The following CAMKK1 variants were observed in gnomAD, a reference collection of about 807,000 sequenced individuals.
The protein encoded by CAMKK1 is calcium/calmodulin dependent protein kinase kinase 1.
CAMKK1 carries 20 observed loss-of-function variants against 63.5 expected under a neutral mutation model. The observed-to-expected ratio is 0.32, with a 90% CI of 0.22 to 0.46. The LOEUF (loss-of-function observed/expected upper bound fraction) is 0.46. CAMKK1 is among the 20% of genes least tolerant of loss of function. The pLI, the probability that CAMKK1 is intolerant of heterozygous loss-of-function variation, is 1.00. For synonymous variants in CAMKK1, 253 were observed against 269.0 expected, an observed-to-expected ratio of 0.94 and a Z score of 0.58; for missense variants, 588 against 658.1, an observed-to-expected ratio of 0.89 and a Z score of 1.17.
chr17:3,885,015 A>C (rs2055581351), intron 2 of CAMKK1, among the ~76,000 whole-genome samples: 1 of 152,312 alleles, frequency 6.6e-6, no homozygotes, highest in East Asian at 1.9e-4. Context: ...AAGCTGGAGA[A>C]GAGTTAGGGG....
chr17:3,862,936 C>G lies in CAMKK1; in HGVS notation c.1446-653G>C, dbSNP rs1262589019. 6.6e-6 allele frequency among the ~76,000 whole-genome samples: 1 copy of G among 152,222 alleles called. No homozygotes were observed. The highest frequency in any genetic ancestry group is 1.5e-5 in the Non-Finnish European group (1 of 68,032). On this transcript the variant is annotated intron_variant, in intron 15 of 15. Transcript: ENST00000348335. The surrounding 1 kb of genome is among the most constrained non-coding windows in gnomAD (Gnocchi z 4.1). ...GCAGGCGTGAGCCACCGTGCCCGGC[C>G]TGAGGGCCTTCTGTGTTGACCTCAG...
At chr17:3,891,893 C>T (rs1488042928) in intron 1 of CAMKK1, among the ~76,000 whole-genome samples, 2 of 152,096 alleles carry the variant, frequency 1.3e-5, no homozygotes, top group East Asian at 3.9e-4. Flanking sequence ...AGGGGAGTGC[C>T]TCGGTTAGGT....
intron 8 of CAMKK1, 142 bp downstream of exon 8, chr17:3,881,485 G>T: frequency 1.4e-6 from 1 of 701,830 alleles, no homozygotes; most frequent in Non-Finnish European, 2.4e-6. Flanking sequence ...TGGTCCTCTT[G>T]GTCTCTTATT....
At chr17:3,865,750 C>G (rs937011729) in intron 15 of CAMKK1, 158 bp downstream of exon 15, 1 of 1,450,644 alleles carries the variant, frequency 6.9e-7, no homozygotes, top group Non-Finnish European at 9.1e-7. Flanking sequence ...CCCGACTAAC[C>G]TTGGGGACAG....
At chr17:3,867,892 G>A (rs1457657639) in intron 14 of CAMKK1, among the ~76,000 whole-genome samples, 3 of 151,996 alleles carry the variant, frequency 2.0e-5, no homozygotes, top group South Asian at 2.1e-4. Context: ...CACAGAAGCT[G>A]AGCAGAGGAA....
intron 1 of CAMKK1, among the ~76,000 whole-genome samples, chr17:3,886,212 AC>A (rs1567636710): frequency 6.6e-6 from 1 of 151,824 alleles, no homozygotes; most frequent in Non-Finnish European, 1.5e-5. Context: ...CTTCAGACCC[AC>A]CCGCCTCCTC....
At position 3,882,137 on chromosome 17, in the gene CAMKK1, T is replaced by C. The variant is rs761024691; in HGVS notation, c.685+391A>G. ...ATGTGCTTTACATATAATTACTCAT[T>C]TACTCTTCACAGGAACCCTATGAGG... is the stretch of plus-strand genomic sequence containing the variant. On this transcript the variant is annotated intron_variant, in intron 7 of 15. Transcript: ENST00000348335. The surrounding 1 kb of genome is among the most constrained non-coding windows in gnomAD (Gnocchi z 4.3). The C allele has an allele frequency of 2.1e-5, 14 of 662,744 alleles. No individual in the cohort carries two copies. The highest frequency in any genetic ancestry group is 3.7e-5 in the Non-Finnish European group (14 of 375,584). 41.1% of individuals were successfully genotyped at this position (662,744 alleles called of 1,614,324 possible).
rs1239938440 is a variant in CAMKK1 at position 3,861,893 on chromosome 17, G to C, written c.*318C>G. 5.0e-6 allele frequency: 2 copies of C among 399,466 alleles called. No individual in the cohort carries two copies. Among genetic ancestry groups the C allele is most frequent in the African/African-American group, 4.0e-5 (2 of 49,692 alleles). 24.7% of individuals were successfully genotyped at this position (399,466 alleles called of 1,614,324 possible). A position where few individuals can be genotyped will look rare whatever the true frequency, so the allele number is the denominator to read the frequency against. On this transcript the variant is annotated 3_prime_UTR_variant, in exon 16 of 16. Transcript: ENST00000348335. ...TCTCCTGCCTCTGCCTCCTGCCCCAGGCCATGCCAACCAGCCGGGTGGCAT... is the reference window on the plus strand; with the variant it reads ...TCTCCTGCCTCTGCCTCCTGCCCCACGCCATGCCAACCAGCCGGGTGGCAT...
Position 3,866,045 on chromosome 17 carries a change from T to G in CAMKK1, c.1342-34A>C, listed in dbSNP as rs200701102. 4.2e-5 allele frequency: 68 copies of G among 1,607,016 alleles called. 1 individual carries two copies. In the African/African-American group the frequency reaches 6.5e-4, roughly 15 times the overall value. The stretch of plus-strand genomic sequence containing the variant: ...GACAAGGCAGCGTGAGGAGCACAGG[T>G]CCCAGGCTCCCAGACACGCAGCCTC... On this transcript the variant is annotated intron_variant, in intron 14 of 15. Coordinates refer to ENST00000348335, the MANE Select transcript of CAMKK1 (RefSeq NM_032294.3).
In CAMKK1 at chr17:3,885,749, G is replaced by A. The variant is rs1259689699; in HGVS notation, c.-43-19C>T. 1 of 1,591,928 alleles carries A rather than the reference G, an allele frequency of 6.3e-7. No individual in the cohort carries two copies. The highest frequency in any genetic ancestry group is 8.5e-7 in the Non-Finnish European group (1 of 1,173,604). ...TGGGAACCTGAGAAAAGAAGGCAGA[G>A]AAGGCTTCACTCCTGGGTGTCAGGC... On this transcript the variant is annotated intron_variant, in intron 1 of 15. Coordinates refer to ENST00000348335, the MANE Select transcript of CAMKK1 (RefSeq NM_032294.3).
In CAMKK1 at chr17:3,883,005, A is replaced by C; in HGVS notation, c.648+37T>G. On this transcript the variant is annotated intron_variant, in intron 6 of 15. Transcript: ENST00000348335. The surrounding 1 kb of genome is among the most constrained non-coding windows in gnomAD (Gnocchi z 4.7). Reference sequence around the variant, plus strand: ...ACCAGAAGCGGCTCCCATGAGACTCAGGTGCTGGTTCCCACCTGCTCACCA... The same window carrying C: ...ACCAGAAGCGGCTCCCATGAGACTCCGGTGCTGGTTCCCACCTGCTCACCA... The C allele has an allele frequency of 1.2e-6, 2 of 1,608,992 alleles. No homozygotes were observed. The highest frequency in any genetic ancestry group is 1.7e-6 in the Non-Finnish European group (2 of 1,176,790).
intron 14 of CAMKK1, among the ~76,000 whole-genome samples, chr17:3,868,555 T>TG (rs2054678254): frequency 6.6e-6 from 1 of 152,186 alleles, no homozygotes; most frequent in Admixed American, 6.6e-5. Context: ...CGGCACCTTG[T>TG]GCAGTGCCTG....
At chr17:3,865,245 C>A (rs959539317) in intron 15 of CAMKK1, 42 of 985,562 alleles carry the variant, frequency 4.3e-5, no homozygotes, top group Non-Finnish European at 5.1e-5. Flanking sequence ...CTTTTCTGGA[C>A]CCTCCTAGGA....
At chr17:3,878,524 G>C (rs1181958442) in intron 9 of CAMKK1, among the ~76,000 whole-genome samples, 1 of 152,162 alleles carries the variant, frequency 6.6e-6, no homozygotes, top group Non-Finnish European at 1.5e-5. Flanking sequence ...ACCGTACCGG[G>C]GTAAAATGTC....
Position 3,862,040 on chromosome 17 carries a change from T to C in CAMKK1, c.*171A>G. 1 of 606,308 alleles carries C rather than the reference T, an allele frequency of 1.6e-6. No homozygotes were observed. Among genetic ancestry groups the C allele is most frequent in the Non-Finnish European group, 2.9e-6 (1 of 340,072 alleles). 37.6% of individuals were successfully genotyped at this position (606,308 alleles called of 1,614,324 possible). Reference sequence around the variant, plus strand: ...AGACCCCAAATGACATACATTCCAGTCTGTCCCTGGACGTGCGTGCGTGGA... The same window carrying C: ...AGACCCCAAATGACATACATTCCAGCCTGTCCCTGGACGTGCGTGCGTGGA... On this transcript the variant is annotated 3_prime_UTR_variant, in exon 16 of 16. Transcript: ENST00000348335. The surrounding 1 kb of genome is among the most constrained non-coding windows in gnomAD (Gnocchi z 4.1).
chr17:3,889,396 G>C lies in CAMKK1; in HGVS notation c.-44+3543C>G, dbSNP rs1300563523. 6.6e-6 allele frequency among the ~76,000 whole-genome samples: 1 copy of C among 152,148 alleles called. No homozygotes were observed. The highest frequency in any genetic ancestry group is 1.5e-5 in the Non-Finnish European group (1 of 68,014). ...GGCACTGGCTTAGTCCTGCGGCCGT[G>C]AACAGCCAGACTCAAGCCCTCCCTC... On this transcript the variant is annotated intron_variant, in intron 1 of 15. Transcript: ENST00000348335. This position sits in a 1 kb window ranked among gnomAD's most constrained non-coding sequence, Gnocchi z 5.2.
At chr17:3,871,333 G>GTTTT (rs71155812) in intron 12 of CAMKK1, among the ~76,000 whole-genome samples, 11 of 111,040 alleles carry the variant, frequency 9.9e-5, no homozygotes, top group South Asian at 6.1e-4. Flanking sequence ...GTTGTTTTTT[G>GTTTT]TTTTTTTTTT....
chr17:3,884,083 G>C lies in CAMKK1; in HGVS notation c.409-146C>G, dbSNP rs1455991082. Reference sequence around the variant, plus strand: ...AGCTGGCTCACGGGCAAATATTGTAGCAGATGGGGAGGGGACTCCTGCGCC... The same window carrying C: ...AGCTGGCTCACGGGCAAATATTGTACCAGATGGGGAGGGGACTCCTGCGCC... On this transcript the variant is annotated intron_variant, in intron 3 of 15. Coordinates refer to ENST00000348335, the MANE Select transcript of CAMKK1 (RefSeq NM_032294.3). The surrounding 1 kb of genome is among the most constrained non-coding windows in gnomAD (Gnocchi z 4.5). The C allele has an allele frequency of 1.2e-6, 1 of 829,638 alleles. No homozygotes were observed. The highest frequency in any genetic ancestry group is 2.0e-6 in the Non-Finnish European group (1 of 507,660). The allele number at this position is 829,638 out of a possible 1,614,324, so 51.4% of individuals were successfully genotyped here. A position where few individuals can be genotyped will look rare whatever the true frequency, so the allele number is the denominator to read the frequency against.
At position 3,869,857 on chromosome 17, in the gene CAMKK1, T is replaced by A; in HGVS notation, c.1156A>T (p.Ile386Phe). The change falls in exon 13 of 16, where the codon ATC (isoleucine) becomes TTC (phenylalanine). Residue 386 changes from isoleucine to phenylalanine, a missense_variant. Ile to Phe is a conservative substitution (Grantham distance 21). Around this residue, in one of 3 missense-constraint regions of CAMKK1, gnomAD observed 226 missense variants for 229.2 expected, o/e 0.99. Transcript: ENST00000348335. Reference sequence around the variant, plus strand: ...GGATTCTTGTCTAACATCTTCAGGATCAGGTCCTTGAGCTCCTCGCTGATT... The same window carrying A: ...GGATTCTTGTCTAACATCTTCAGGAACAGGTCCTTGAGCTCCTCGCTGATT... ...PEISEELKDLILKMLDKNPET... is the reference protein window; with the variant it reads ...PEISEELKDLFLKMLDKNPET... 3 of 1,614,216 alleles carry A rather than the reference T, an allele frequency of 1.9e-6. No homozygotes were observed. The highest frequency in any genetic ancestry group is 2.5e-6 in the Non-Finnish European group (3 of 1,180,030).
Sources: gnomAD v4.1 joint callset for allele counts (sites outside exome capture counted in the v4.1 genomes callset) on GRCh38, gnomAD v4.1.1 for gene constraint, gnomAD v4.1.1 regional missense constraint, Gnocchi (gnomAD v3.1) non-coding constraint, MANE v1.5 for transcripts, NCBI Gene and HGNC (gene_info 2026-07-23, HGNC 2026-07-21) for gene names.